ZBTB46: variants seen among roughly 807,000 people sequenced by gnomAD.
ZBTB46 encodes zinc finger and BTB domain-containing protein 46.
Under a neutral mutation model 44.1 loss-of-function variants are expected in ZBTB46, and 8 were observed. The ratio of observed to expected loss-of-function variants is 0.18; its 90% CI spans 0.11 to 0.33. The LOEUF (loss-of-function observed/expected upper bound fraction) is 0.33. Ranked by LOEUF, ZBTB46 falls within the 10% of genes least tolerant of loss-of-function variation. ZBTB46 has a pLI of 1.00. For missense variants in ZBTB46, 651 were observed against 847.7 expected (o/e 0.77, Z 2.88); for synonymous variants, 409 against 382.3 (o/e 1.07, Z -0.81).
chr20:63,808,380 GC>G lies in ZBTB46; in HGVS notation c.-33-17591del, dbSNP rs1322116913. Among the ~76,000 whole-genome samples the G allele has an allele frequency of 2.6e-5, 4 of 152,338 alleles. No individual in the cohort carries two copies. In the East Asian group the frequency reaches 5.8e-4, roughly 22 times the overall value. Reference sequence around the variant, plus strand: ...GGGCCCGGAAGGCAGACGCCACGGAGCCCGGGGCTTCAGGGGGGCGTGGGGC... The same window carrying G: ...GGGCCCGGAAGGCAGACGCCACGGAGCCGGGGCTTCAGGGGGGCGTGGGGC... On this transcript the variant is annotated intron_variant, in intron 1 of 4. Transcript: ENST00000245663.
At chr20:63,758,456 GTC>G (rs2092244553) in intron 3 of ZBTB46, among the ~76,000 whole-genome samples, 1 of 151,880 alleles carries the variant, frequency 6.6e-6, no homozygotes, top group African/African-American at 2.4e-5. Context: ...TTCCCCATGT[GTC>G]TCTGCCTGGG....
rs193269789 is a variant in ZBTB46, at chr20:63,764,053, C to T, written c.1223-11192G>A. Reference sequence around the variant, plus strand: ...GTGCAGCCACAACTCACACCAGCCTCGACCTCCTGGGCTCAAGCGATCCTC... The same window carrying T: ...GTGCAGCCACAACTCACACCAGCCTTGACCTCCTGGGCTCAAGCGATCCTC... On this transcript the variant is annotated intron_variant, in intron 3 of 4. Coordinates refer to ENST00000245663, the MANE Select transcript of ZBTB46 (RefSeq NM_001369741.1). Among the ~76,000 whole-genome samples the T allele has an allele frequency of 1.8e-3, 279 of 152,116 alleles. 2 individuals are homozygous for T. The highest frequency in any genetic ancestry group is 3.1e-3 in the Non-Finnish European group (209 of 67,998).
At chr20:63,751,143 GC>G (rs2092157259) in intron 4 of ZBTB46, among the ~76,000 whole-genome samples, 2 of 126,458 alleles carry the variant, frequency 1.6e-5, no homozygotes, top group African/African-American at 6.2e-5. Context: ...CGCCCCCGCG[GC>G]TTTTTATAAG....
chr20:63,833,196 C>G (rs1383488207), upstream of ZBTB46, among the ~76,000 whole-genome samples: 1 of 152,198 alleles, frequency 6.6e-6, no homozygotes, highest in Non-Finnish European at 1.5e-5. Flanking sequence ...CACAGTGGCA[C>G]TCAGTCATCG....
intron 3 of ZBTB46, among the ~76,000 whole-genome samples, chr20:63,770,594 G>A (rs186152004): frequency 2.6e-5 from 4 of 152,214 alleles, no homozygotes; most frequent in East Asian, 1.9e-4. Context: ...TCTGAGTGTC[G>A]GCTGCTCTGT....
intron 2 of ZBTB46, among the ~76,000 whole-genome samples, chr20:63,779,065 T>G (rs1355231718): frequency 6.6e-6 from 1 of 152,050 alleles, no homozygotes; most frequent in Non-Finnish European, 1.5e-5. Context: ...CTCACGAGCG[T>G]GTTCAGGGAT....
chr20:63,747,240 G>A lies in ZBTB46; in HGVS notation c.1460C>T (p.Ala487Val). Reference protein sequence around the residue: ...KVCSRVFMSAASVGIRHGSRR... With the variant: ...KVCSRVFMSAVSVGIRHGSRR... The stretch of plus-strand genomic sequence containing the variant: ...GGAGCCATGCCTGATGCCCACGCTG[G>A]CGGCGGACATGAAGACGCGGCTGCA... Residue 487 changes from alanine to valine, a missense_variant, in exon 5 of 5, where the codon GCC (alanine) becomes GTC (valine). Around this residue, in one of 5 missense-constraint regions of ZBTB46, gnomAD observed 75 missense variants for 107.8 expected, o/e 0.70. Transcript: ENST00000245663. The A allele has an allele frequency of 6.3e-7, 1 of 1,582,668 alleles. No individual in the cohort carries two copies. Among genetic ancestry groups the A allele is most frequent in the Non-Finnish European group, 8.6e-7 (1 of 1,165,760 alleles).
At chr20:63,817,137 G>C (rs1312308060) in intron 1 of ZBTB46, among the ~76,000 whole-genome samples, 1 of 151,418 alleles carries the variant, frequency 6.6e-6, no homozygotes, top group African/African-American at 2.4e-5. Context: ...GAAAAGGAAA[G>C]GGCCAGATGT....
chr20:63,793,440 C>A (rs2092576706), intron 1 of ZBTB46, among the ~76,000 whole-genome samples: 1 of 152,162 alleles, frequency 6.6e-6, no homozygotes, highest in African/African-American at 2.4e-5. Flanking sequence ...GGAAAACAAC[C>A]ATTCAATCCC....
chr20:63,752,918 C>A lies in ZBTB46; in HGVS notation c.1223-57G>T. ...GGGCTTGGGATGTACCGCCCTGCGG[C>A]CCACAGACCACGGCTGCACGCCGCA... On this transcript the variant is annotated intron_variant, in intron 3 of 4. Coordinates refer to ENST00000245663, the MANE Select transcript of ZBTB46 (RefSeq NM_001369741.1). This position sits in a 1 kb window ranked among gnomAD's most constrained non-coding sequence, Gnocchi z 5.6. 2 of 1,527,874 alleles carry A rather than the reference C, an allele frequency of 1.3e-6. No homozygotes were observed. Among genetic ancestry groups the A allele is most frequent in the Non-Finnish European group, 1.8e-6 (2 of 1,133,276 alleles). 94.6% of individuals were successfully genotyped at this position (1,527,874 alleles called of 1,614,324 possible). A position where few individuals can be genotyped will look rare whatever the true frequency, so the allele number is the denominator to read the frequency against.
intron 1 of ZBTB46, among the ~76,000 whole-genome samples, chr20:63,800,354 G>T (rs1339809870): frequency 2.0e-5 from 3 of 152,222 alleles, no homozygotes; most frequent in Non-Finnish European, 4.4e-5. Flanking sequence ...AGGGGGAGAG[G>T]CTGCGGGAAG....
rs1407668431 is a variant in ZBTB46, at chr20:63,816,145, AGGTGCAGTGGGTG to A, written c.-34+14939_-34+14951del. On this transcript the variant is annotated intron_variant, in intron 1 of 4. Transcript: ENST00000245663. ...AGGTGGGCGCAGGTGCAGTGGGTGC[AGGTGCAGTGGGTG>A]CAGGTGCGGTGGGCACAGATGCAGT... Among the ~76,000 whole-genome samples, 527 of 150,970 alleles carry A rather than the reference AGGTGCAGTGGGTG, an allele frequency of 3.5e-3. 4 individuals are homozygous for A. The highest frequency in any genetic ancestry group is 0.012 in the African/African-American group (511 of 40,962).
intron 1 of ZBTB46, among the ~76,000 whole-genome samples, chr20:63,802,230 C>T (rs180746934): frequency 0.011 from 1,612 of 152,248 alleles, 23 homozygotes; most frequent in African/African-American, 0.036. Flanking sequence ...TGAGACTAGC[C>T]TGGCCAACAT....
At chr20:63,776,028 G>A (rs548465199) in intron 2 of ZBTB46, 66 bp from the exon 3 acceptor site, 26 of 1,482,452 alleles carry the variant, frequency 1.8e-5, no homozygotes, top group African/African-American at 4.2e-5. Flanking sequence ...TGGGACAGGC[G>A]ACACATTTAG....
chr20:63,756,009 C>T (rs1200517618), intron 3 of ZBTB46, among the ~76,000 whole-genome samples: 1 of 152,164 alleles, frequency 6.6e-6, no homozygotes, highest in Admixed American at 6.5e-5. Context: ...GGACATTCAG[C>T]GACATCCGGC....
intron 3 of ZBTB46, among the ~76,000 whole-genome samples, chr20:63,754,903 C>T (rs930104636): frequency 2.6e-5 from 4 of 152,310 alleles, no homozygotes; most frequent in Non-Finnish European, 2.9e-5. Flanking sequence ...CTGGCCAAAA[C>T]TCTTTTGAGA....
rs980583031 is a variant in ZBTB46 at position 63,767,169 on chromosome 20, C to G, written c.1222+8509G>C. 5.3e-5 allele frequency among the ~76,000 whole-genome samples: 8 copies of G among 152,312 alleles called. No homozygotes were observed. The highest frequency in any genetic ancestry group is 1.9e-4 in the African/African-American group (8 of 41,578). ...CCGCGCACATGCCAGGCACACACCG[C>G]CAAGGACGCCGTGGCAGGCTTTGTC... On this transcript the variant is annotated intron_variant, in intron 3 of 4. Transcript: ENST00000245663. The surrounding 1 kb of genome is among the most constrained non-coding windows in gnomAD (Gnocchi z 5.0).
intron 1 of ZBTB46, among the ~76,000 whole-genome samples, chr20:63,828,184 C>T (rs951635902): frequency 1.3e-5 from 2 of 152,224 alleles, no homozygotes; most frequent in African/African-American, 4.8e-5. Context: ...ACCAGAACAC[C>T]AAGCCTGGGT....
upstream of ZBTB46, among the ~76,000 whole-genome samples, chr20:63,832,282 G>C (rs550215186): frequency 1.2e-4 from 18 of 152,246 alleles, no homozygotes; most frequent in African/African-American, 4.1e-4. This position sits in a 1 kb window ranked among gnomAD's most constrained non-coding sequence, Gnocchi z 5.0. Context: ...ATTCCTGGCC[G>C]GCCTGCGCAG....
Sources: allele counts gnomAD v4.1 joint callset (sites outside exome capture counted in the v4.1 genomes callset), GRCh38; gene constraint gnomAD v4.1.1; regional missense constraint gnomAD v4.1.1; non-coding constraint Gnocchi (gnomAD v3.1); transcripts MANE v1.5; gene names NCBI Gene and HGNC (gene_info 2026-07-23, HGNC 2026-07-21).